Variants in ZNF621 observed in about 807,000 individuals in gnomAD.
The protein encoded by ZNF621 is zinc finger protein 621.
Under a neutral mutation model 12.7 loss-of-function variants are expected in ZNF621, and 6 were observed. The observed-to-expected ratio is 0.47, with a 90% CI of 0.26 to 0.93. The LOEUF is 0.93. Ranked by LOEUF, ZNF621 falls within the 40% of genes least tolerant of loss-of-function variation. The pLI is 0.15. For synonymous variants in ZNF621, 156 were observed against 190.3 expected (o/e 0.82, Z 1.48); for missense variants, 474 against 524.0 (o/e 0.90, Z 0.93).
chr3:40,530,074 T>G (rs1471226466), intron 3 of ZNF621, 135 bp from the exon 4 acceptor site: 8 of 655,188 alleles, frequency 1.2e-5, no homozygotes, highest in Non-Finnish European at 2.1e-5. Context: ...TTGGACCTCC[T>G]TGTCAGAACT....
intron 3 of ZNF621, chr3:40,529,683 C>T: frequency 1.8e-6 from 2 of 1,129,868 alleles, no homozygotes; most frequent in Non-Finnish European, 1.2e-6. Context: ...AGGGCAGTGG[C>T]ATAGCCATGG....
At position 40,534,414 on chromosome 3, in the gene ZNF621, C is replaced by T. The variant is rs1698811040; in HGVS notation, c.*1324C>T. 6.6e-6 allele frequency: 1 copy of T among 151,286 alleles called. No individual in the cohort carries two copies. The highest frequency in any genetic ancestry group is 2.1e-4 in the South Asian group (1 of 4,800). The allele number at this position is 151,286 out of a possible 1,614,324, so 9.4% of individuals were successfully genotyped here. A position where few individuals can be genotyped will look rare whatever the true frequency, so the allele number is the denominator to read the frequency against. Reference sequence around the variant, plus strand: ...TACTGGAAAAAGAACTTGAATTATGCATTTATTGGCATTAATGTAAACAGT... The same window carrying T: ...TACTGGAAAAAGAACTTGAATTATGTATTTATTGGCATTAATGTAAACAGT... On this transcript the variant is annotated 3_prime_UTR_variant, in exon 5 of 5. Transcript: ENST00000339296.
chr3:40,523,886 C>G (rs1486180843), upstream of ZNF621, among the ~76,000 whole-genome samples: 4 of 151,772 alleles, frequency 2.6e-5, no homozygotes, highest in African/African-American at 7.3e-5. Context: ...TAGTGAGGTA[C>G]TTGCCAATGA....
chr3:40,532,207 G>A lies in ZNF621; in HGVS notation c.437G>A (p.Gly146Asp), dbSNP rs1698742782. Residue 146 changes from glycine (G) to aspartate (D), a missense_variant, in exon 5 of 5, where the codon GGT becomes GAT. Coordinates refer to ENST00000339296, the MANE Select transcript of ZNF621 (RefSeq NM_198484.5). ...CTAAATCCAAATCTGATACTTCGAG[G>A]TGGAATGAAGTTCTATGAATGTAAA... Reference protein sequence around the residue: ...FNLNPNLILRGGMKFYECKEC... With the variant: ...FNLNPNLILRDGMKFYECKEC... 6.2e-7 allele frequency: 1 copy of A among 1,614,070 alleles called. No homozygotes were observed. Among genetic ancestry groups the A allele is most frequent in the African/African-American group, 1.3e-5 (1 of 74,934 alleles).
Position 40,532,795 on chromosome 3 carries a change from C to T in ZNF621, c.1025C>T (p.Pro342Leu), listed in dbSNP as rs1278317741. 9.9e-6 allele frequency: 16 copies of T among 1,614,198 alleles called. 1 individual carries two copies. Among genetic ancestry groups the T allele is most frequent in the Admixed American group, 5.0e-5 (3 of 60,018 alleles). ...TTTGTTCAGCATCAGAAATTGCACCCTGTGGAGAAGAAGCCAGTCAAGGTC... is the reference window on the plus strand; with the variant it reads ...TTTGTTCAGCATCAGAAATTGCACCTTGTGGAGAAGAAGCCAGTCAAGGTC... ...GSFVQHQKLHPVEKKPVKVLG... is the reference protein window; with the variant it reads ...GSFVQHQKLHLVEKKPVKVLG... The change falls in exon 5 of 5, where the codon CCT (proline) becomes CTT (leucine). Residue 342 changes from proline to leucine, a missense_variant. Pro to Leu is a moderately conservative substitution (Grantham distance 98). Transcript: ENST00000339296.
Position 40,532,065 on chromosome 3 carries a change from A to G in ZNF621, c.295A>G (p.Ile99Val), listed in dbSNP as rs117655885. 2.0e-3 allele frequency: 3,168 copies of G among 1,613,716 alleles called. 51 individuals are homozygous for G. In the East Asian group the frequency reaches 0.032, roughly 16 times the overall value. ...CTGGATCAAAAATGAAGGGCTAGTTATAAAGCAGGAAGCCTCTGAAGAAAC... is the reference window on the plus strand; with the variant it reads ...CTGGATCAAAAATGAAGGGCTAGTTGTAAAGCAGGAAGCCTCTGAAGAAAC... Reference protein sequence around the residue: ...ESWIKNEGLVIKQEASEETEL... With the variant: ...ESWIKNEGLVVKQEASEETEL... Residue 99 changes from isoleucine (I) to valine (V), a missense_variant, in exon 5 of 5, where the codon ATA becomes GTA. By Grantham distance (29) the Ile-to-Val change is conservative (BLOSUM62 3). Transcript: ENST00000339296.
In ZNF621 at chr3:40,525,819, A is replaced by G. The variant is rs776005208; in HGVS notation, c.-22A>G. On this transcript the variant is annotated 5_prime_UTR_variant, in exon 2 of 5. The change abolishes an upstream ATG in the 5' untranslated region. Coordinates refer to ENST00000339296, the MANE Select transcript of ZNF621 (RefSeq NM_198484.5). ...CTTGTCCAAACCCAGAAGACAGTGC[A>G]TGAAGCCAGGGGACATCCGCCATGC... 57 of 1,614,092 alleles carry G rather than the reference A, an allele frequency of 3.5e-5. No individual in the cohort carries two copies. The East Asian group carries it at 5.8e-4, about 16-fold the overall frequency.
chr3:40,532,835 G>A lies in ZNF621; in HGVS notation c.1065G>A (p.Leu355=). 6.2e-7 allele frequency: 1 copy of A among 1,614,052 alleles called. No homozygotes were observed. Among genetic ancestry groups the A allele is most frequent in the Non-Finnish European group, 8.5e-7 (1 of 1,179,980 alleles). ...CAGTCAAGGTCCTTGGGCCATCCCT[G>A]GTCAGTCCCCAGTGCTCCTCTCCAG... ...KKPVKVLGPS[L]VSPQCSSPAI... is the part of the protein sequence containing the mutation. Residue 355 remains leucine (L), a synonymous_variant, in exon 5 of 5, where the codon CTG becomes CTA. Coordinates refer to ENST00000339296, the MANE Select transcript of ZNF621 (RefSeq NM_198484.5).
At position 40,525,587 on chromosome 3, in the gene ZNF621, G is replaced by A. The variant is rs560394210; in HGVS notation, c.-62-192G>A. 5.8e-4 allele frequency: 357 copies of A among 618,454 alleles called. 1 individual carries two copies. The Middle Eastern group carries it at 6.5e-3, about 11-fold the overall frequency. 38.3% of individuals were successfully genotyped at this position (618,454 alleles called of 1,614,324 possible). On this transcript the variant is annotated intron_variant, in intron 1 of 4. Coordinates refer to ENST00000339296, the MANE Select transcript of ZNF621 (RefSeq NM_198484.5). ...AGCTCTTCGGACTGAGCAGGCAGGT[G>A]GAAGATTGTCCTGAAGACTAGGCAG... is the stretch of plus-strand genomic sequence containing the variant.
At chr3:40,525,528 C>A in intron 1 of ZNF621, 1 of 577,780 alleles carries the variant, frequency 1.7e-6, no homozygotes, top group Non-Finnish European at 3.1e-6. Flanking sequence ...GCTCTTGGGT[C>A]CCTCAGTTTA....
At position 40,537,569 on chromosome 3, in the gene ZNF621, C is replaced by T. The variant is rs908685339; in HGVS notation, c.*4479C>T. 2.0e-5 allele frequency: 3 copies of T among 152,542 alleles called. No individual in the cohort carries two copies. Among genetic ancestry groups the T allele is most frequent in the Admixed American group, 6.5e-5 (1 of 15,286 alleles). The allele number at this position is 152,542 out of a possible 1,614,324, so 9.4% of individuals were successfully genotyped here. On this transcript the variant is annotated 3_prime_UTR_variant, in exon 5 of 5. Transcript: ENST00000339296. ...AGTGAGCTATGATTGTGCCACTGCA[C>T]TCTAGCCTGTGTGACAGAATGAAAC...
At position 40,532,102 on chromosome 3, in the gene ZNF621, G is replaced by A; in HGVS notation, c.332G>A (p.Arg111Lys). 6.2e-7 allele frequency: 1 copy of A among 1,614,144 alleles called. No individual in the cohort carries two copies. The part of the protein sequence containing the change: ...QEASEETELH[R>K]MPVGGLLRNV... The stretch of plus-strand genomic sequence containing the variant: ...GCCTCTGAAGAAACAGAGTTGCACA[G>A]AATGCCAGTAGGAGGACTTCTCAGG... Residue 111 changes from arginine (R) to lysine (K), a missense_variant, in exon 5 of 5, where the codon AGA becomes AAA. Arg to Lys is a conservative substitution (Grantham distance 26). Coordinates refer to ENST00000339296, the MANE Select transcript of ZNF621 (RefSeq NM_198484.5).
rs1219956006 is a variant in ZNF621, at chr3:40,536,039, A to G, written c.*2949A>G. On this transcript the variant is annotated 3_prime_UTR_variant, in exon 5 of 5. Transcript: ENST00000339296. Reference sequence around the variant, plus strand: ...TGATCATCAAACACAGAACAAAGCAAAAAACAAACTCCCCAAACCCAAGTT... The same window carrying G: ...TGATCATCAAACACAGAACAAAGCAGAAAACAAACTCCCCAAACCCAAGTT... 2.0e-5 allele frequency: 3 copies of G among 152,168 alleles called. No homozygotes were observed. Among genetic ancestry groups the G allele is most frequent in the Non-Finnish European group, 4.4e-5 (3 of 68,036 alleles). The allele number at this position is 152,168 out of a possible 1,614,324, so 9.4% of individuals were successfully genotyped here. A position where few individuals can be genotyped will look rare whatever the true frequency, so the allele number is the denominator to read the frequency against.
chr3:40,528,986 A>G (rs1698653873), intron 2 of ZNF621, among the ~76,000 whole-genome samples: 1 of 152,164 alleles, frequency 6.6e-6, no homozygotes. Context: ...ATTCCCCCTC[A>G]TTTTGTTTTC....
At chr3:40,524,784 G>C (rs1289052234), upstream of ZNF621, 1 of 152,308 alleles carries the variant, frequency 6.6e-6, no homozygotes, top group Non-Finnish European at 1.5e-5. Flanking sequence ...GGAGAAAGCC[G>C]GGCTTAGAGC....
chr3:40,525,092 A>C lies in ZNF621; in HGVS notation c.-245A>C, dbSNP rs1698545143. 6.6e-6 allele frequency: 1 copy of C among 151,388 alleles called. No individual in the cohort carries two copies. The allele number at this position is 151,388 out of a possible 1,614,324, so 9.4% of individuals were successfully genotyped here. A position where few individuals can be genotyped will look rare whatever the true frequency, so the allele number is the denominator to read the frequency against. ...CCCTGGCGGCTCGTCAGCCCCCACT[A>C]CCCCTGAACTTGGTCCCAATGGCGG... is the stretch of plus-strand genomic sequence containing the variant. On this transcript the variant is annotated 5_prime_UTR_variant, in exon 1 of 5. Transcript: ENST00000339296.
At chr3:40,530,970 G>A (rs1014364093) in intron 4 of ZNF621, among the ~76,000 whole-genome samples, 1 of 152,100 alleles carries the variant, frequency 6.6e-6, no homozygotes, top group Non-Finnish European at 1.5e-5. Flanking sequence ...ACCAGTCCTG[G>A]AAGGTTTTGT....
Position 40,538,003 on chromosome 3 carries a change from G to A in ZNF621, c.*4913G>A, listed in dbSNP as rs949198794. ...GCTTAAAAGCATCAAAGGACAGCTCGTCTCTCTTGTTAGGGGTTCATGCAG... is the reference window on the plus strand; with the variant it reads ...GCTTAAAAGCATCAAAGGACAGCTCATCTCTCTTGTTAGGGGTTCATGCAG... On this transcript the variant is annotated 3_prime_UTR_variant, in exon 5 of 5. Transcript: ENST00000339296. Among the ~76,000 whole-genome samples, 4 of 152,204 alleles carry A rather than the reference G, an allele frequency of 2.6e-5. No individual in the cohort carries two copies. Among genetic ancestry groups the A allele is most frequent in the African/African-American group, 4.8e-5 (2 of 41,442 alleles).
In ZNF621 at chr3:40,525,995, C is replaced by T. The variant is rs554236191; in HGVS notation, c.24+131C>T. ...GCTGTGTTTTCCCCTTTGTATCTAT[C>T]TCCAGGGCTATGGCAGATGTAAATA... On this transcript the variant is annotated intron_variant, in intron 2 of 4. Transcript: ENST00000339296. 3.9e-5 allele frequency: 39 copies of T among 1,001,448 alleles called. 1 individual carries two copies. The East Asian group carries it at 1.0e-3, about 26-fold the overall frequency. The allele number at this position is 1,001,448 out of a possible 1,614,324, so 62.0% of individuals were successfully genotyped here. A position where few individuals can be genotyped will look rare whatever the true frequency, so the allele number is the denominator to read the frequency against.
Sources: gnomAD v4.1 joint callset for allele counts (sites outside exome capture counted in the v4.1 genomes callset) on GRCh38, gnomAD v4.1.1 for gene constraint, MANE v1.5 for transcripts, NCBI Gene and HGNC (gene_info 2026-07-23, HGNC 2026-07-21) for gene names.